SH3D19: variants seen among roughly 807,000 people sequenced by gnomAD.
SH3D19 encodes SH3 domain-containing protein 19.
In SH3D19, 58 loss-of-function variants were observed where a neutral mutation model predicts 112.1. The observed-to-expected ratio is 0.52, with a 90% confidence interval of 0.42 to 0.64. The LOEUF is 0.64. Ranked by LOEUF, SH3D19 falls within the 30% of genes least tolerant of loss-of-function variation. SH3D19 has a pLI of 0.00. For missense variants in SH3D19, 1,090 were observed against 1,263.4 expected (o/e 0.86, Z 2.08); for synonymous variants, 391 against 448.5 (o/e 0.87, Z 1.62).
At chr4:151,153,547 C>A (rs1755490030) in intron 9 of SH3D19, among the ~76,000 whole-genome samples, 1 of 152,022 alleles carries the variant, frequency 6.6e-6, no homozygotes, top group Admixed American at 6.6e-5. Flanking sequence ...GTGCCTGGCC[C>A]ACACCTTTAA....
intron 1 of SH3D19, among the ~76,000 whole-genome samples, chr4:151,245,492 T>C (rs558818815): frequency 4.0e-4 from 61 of 152,188 alleles, no homozygotes; most frequent in Non-Finnish European, 5.9e-4. Flanking sequence ...ATATTCCTCA[T>C]ACCTGTTCCC....
chr4:151,219,940 T>A (rs2149932356), intron 2 of SH3D19, among the ~76,000 whole-genome samples: 1 of 152,374 alleles, frequency 6.6e-6, no homozygotes, highest in African/African-American at 2.4e-5. Context: ...CTTTAGATTT[T>A]TATCTCATGT....
intron 7 of SH3D19, among the ~76,000 whole-genome samples, chr4:151,173,127 A>C (rs1759362674): frequency 6.6e-6 from 1 of 152,222 alleles, no homozygotes; most frequent in Non-Finnish European, 1.5e-5. Flanking sequence ...TACAAAATAA[A>C]TTCTCAGCAA....
At chr4:151,180,176 C>G (rs1210483033) in intron 3 of SH3D19, among the ~76,000 whole-genome samples, 2 of 152,120 alleles carry the variant, frequency 1.3e-5, no homozygotes, top group African/African-American at 2.4e-5. Context: ...CTATGCCCAG[C>G]CTTTTATTAC....
intron 7 of SH3D19, among the ~76,000 whole-genome samples, chr4:151,169,797 A>G (rs1316084411): frequency 6.6e-6 from 1 of 152,208 alleles, no homozygotes. Context: ...GCATCAGCAG[A>G]AGTGAACATG....
chr4:151,223,634 C>T (rs1207197192), intron 2 of SH3D19, among the ~76,000 whole-genome samples: 1 of 152,318 alleles, frequency 6.6e-6, no homozygotes, highest in East Asian at 1.9e-4. Context: ...GTGTTTGAAG[C>T]CAGTTATCGT....
chr4:151,324,297 G>A (rs1396455081), intron 1 of SH3D19, among the ~76,000 whole-genome samples: 4 of 152,086 alleles, frequency 2.6e-5, no homozygotes, highest in Admixed American at 2.6e-4. Flanking sequence ...GTGGTTAAGG[G>A]AGTCACACAG....
chr4:151,170,260 T>G (rs1378852975), intron 7 of SH3D19, among the ~76,000 whole-genome samples: 1 of 152,132 alleles, frequency 6.6e-6, no homozygotes, highest in African/African-American at 2.4e-5. Context: ...TATATTTTAC[T>G]TTTCTAACAG....
chr4:151,198,820 T>C (rs989194969), intron 2 of SH3D19, among the ~76,000 whole-genome samples: 2 of 152,214 alleles, frequency 1.3e-5, no homozygotes, highest in Middle Eastern at 3.2e-3. Context: ...GTTACTGTTA[T>C]AAAGCTGAAG....
intron 17 of SH3D19, among the ~76,000 whole-genome samples, chr4:151,129,295 G>A (rs921698863): frequency 1.3e-5 from 2 of 152,214 alleles, no homozygotes; most frequent in African/African-American, 4.8e-5. Context: ...GTTTTGCTCT[G>A]TGAAGAGGCA....
chr4:151,247,499 C>G (rs1771027472), intron 1 of SH3D19, among the ~76,000 whole-genome samples: 1 of 152,098 alleles, frequency 6.6e-6, no homozygotes, highest in Non-Finnish European at 1.5e-5. Context: ...AAAAATTAAA[C>G]AGATTCTTAC....
At chr4:151,292,238 G>A (rs140078663) in intron 1 of SH3D19, among the ~76,000 whole-genome samples, 1 of 151,988 alleles carries the variant, frequency 6.6e-6, no homozygotes, top group East Asian at 1.9e-4. Flanking sequence ...GTTCGAGGCT[G>A]CAGTGAGCTA....
At chr4:151,184,007 G>A (rs1383754550) in intron 3 of SH3D19, among the ~76,000 whole-genome samples, 1 of 152,044 alleles carries the variant, frequency 6.6e-6, no homozygotes, top group South Asian at 2.1e-4. Flanking sequence ...ACTCATGGTA[G>A]GTAAACAATA....
chr4:151,217,221 C>T (rs940560639), intron 2 of SH3D19, among the ~76,000 whole-genome samples: 4 of 152,068 alleles, frequency 2.6e-5, no homozygotes, highest in African/African-American at 9.7e-5. Flanking sequence ...GATAGACATA[C>T]TTAGAAAAGA....
chr4:151,141,359 C>T (rs943345540), intron 12 of SH3D19, among the ~76,000 whole-genome samples: 3 of 152,152 alleles, frequency 2.0e-5, no homozygotes, highest in Non-Finnish European at 2.9e-5. Context: ...TTCCTGGGCT[C>T]AGGTGATCCA....
At chr4:151,214,720 G>A in intron 2 of SH3D19, among the ~76,000 whole-genome samples, 2 of 79,682 alleles carry the variant, frequency 2.5e-5, no homozygotes, top group South Asian at 3.9e-4. Context: ...CCGGGCAGAG[G>A]CGCCCCTCAC....
intron 1 of SH3D19, among the ~76,000 whole-genome samples, chr4:151,249,660 T>G (rs972500419): frequency 2.0e-5 from 3 of 151,874 alleles, no homozygotes; most frequent in Non-Finnish European, 4.4e-5. Flanking sequence ...GTAAACTTCG[T>G]GTAAAAAAAA....
chr4:151,292,189 C>A (rs1005420617), intron 1 of SH3D19, among the ~76,000 whole-genome samples: 1 of 151,904 alleles, frequency 6.6e-6, no homozygotes, highest in Non-Finnish European at 1.5e-5. Context: ...GTCTCAGCTA[C>A]TTGGGAAGCT....
intron 1 of SH3D19, among the ~76,000 whole-genome samples, chr4:151,281,750 TG>T (rs776376473): frequency 2.4e-4 from 36 of 152,162 alleles, no homozygotes; most frequent in Non-Finnish European, 4.4e-4. Context: ...TGTGTAACTG[TG>T]GTTATATTTT....
Sources: gnomAD v4.1 joint callset for allele counts (sites outside exome capture counted in the v4.1 genomes callset) on GRCh38, gnomAD v4.1.1 for gene constraint, MANE v1.5 for transcripts, NCBI Gene and HGNC (gene_info 2026-07-23, HGNC 2026-07-21) for gene names.